Variants in CCDC88A observed in about 807,000 individuals in gnomAD.
CCDC88A encodes the protein coiled-coil and HOOK domain protein 88A, also known as girdin.
In CCDC88A, 54 loss-of-function variants were observed where a neutral mutation model predicts 234.3. The ratio of observed to expected loss-of-function variants is 0.23; its 90% confidence interval spans 0.19 to 0.29. The LOEUF (loss-of-function observed/expected upper bound fraction) is 0.29. CCDC88A is among the 10% of genes least tolerant of loss of function. The pLI is 1.00. For missense variants in CCDC88A, 1,832 were observed against 2,123.4 expected (o/e 0.86, Z 2.70); for synonymous variants, 753 against 737.8 (o/e 1.02, Z -0.33).
chr2:55,414,523 T>TC (rs1183538958), intron 2 of CCDC88A, among the ~76,000 whole-genome samples: 1 of 152,248 alleles, frequency 6.6e-6, no homozygotes, highest in Non-Finnish European at 1.5e-5. Flanking sequence ...ATTGAAGTCA[T>TC]GTTACAAGTT....
chr2:55,375,469 CTATATA>C (rs869279076), intron 3 of CCDC88A, among the ~76,000 whole-genome samples: 68 of 26,588 alleles, frequency 2.6e-3, no homozygotes, highest in South Asian at 7.3e-3. Context: ...TGTCACTGTA[CTATATA>C]TATATATATA....
chr2:55,307,976 C>CTTTT (rs35845333), intron 25 of CCDC88A: 3 of 98,274 alleles, frequency 3.1e-5, no homozygotes, highest in Non-Finnish European at 4.2e-5. Flanking sequence ...TTCTTTCTTT[C>CTTTT]TTTTTTTTTT....
chr2:55,331,049 A>G (rs894744399), intron 16 of CCDC88A, among the ~76,000 whole-genome samples: 1 of 152,232 alleles, frequency 6.6e-6, no homozygotes, highest in Non-Finnish European at 1.5e-5. Flanking sequence ...AGGTTTGGGA[A>G]GAGGAGGCAA....
At chr2:55,396,268 C>T (rs1352363908) in intron 2 of CCDC88A, among the ~76,000 whole-genome samples, 1 of 152,198 alleles carries the variant, frequency 6.6e-6, no homozygotes, top group East Asian at 1.9e-4. Context: ...GGTATATTTA[C>T]AGTTACATAA....
chr2:55,301,558 T>C (rs187097786), intron 27 of CCDC88A: 72 of 511,904 alleles, frequency 1.4e-4, no homozygotes, highest in African/African-American at 1.3e-3. Context: ...GGTAGTTCTG[T>C]TGGAAGTTGT....
In CCDC88A at chr2:55,336,700, C is replaced by G; in HGVS notation, c.1637G>C (p.Arg546Thr). 1 of 1,578,588 alleles carries G rather than the reference C, an allele frequency of 6.3e-7. No homozygotes were observed. Among genetic ancestry groups the G allele is most frequent in the Non-Finnish European group, 8.6e-7 (1 of 1,165,260 alleles). The change falls in exon 14 of 33, where the codon AGA (arginine) becomes ACA (threonine). Residue 546 changes from arginine to threonine, a missense_variant. Arg to Thr is a moderately conservative substitution (Grantham distance 71, BLOSUM62 -1). Transcript: ENST00000436346. ...AQLEKTIETLRENSERQIKIL... is the reference protein window; with the variant it reads ...AQLEKTIETLTENSERQIKIL... ...ATGAACCTGTCTCTCTGAATTTTCT[C>G]TCAGTGTTTCTATTGTTTTTTCAAG...
At chr2:55,366,861 T>A (rs1225022421) in intron 5 of CCDC88A, among the ~76,000 whole-genome samples, 1 of 152,206 alleles carries the variant, frequency 6.6e-6, no homozygotes, top group African/African-American at 2.4e-5. Flanking sequence ...CACATTATAG[T>A]GTTTTAAATA....
chr2:55,300,252 C>A, intron 28 of CCDC88A: 4 of 276,102 alleles, frequency 1.4e-5, no homozygotes, highest in South Asian at 8.3e-5. Context: ...GGGTCACCTA[C>A]AACAGATCAG....
intron 25 of CCDC88A, among the ~76,000 whole-genome samples, chr2:55,303,479 G>A (rs1240991873): frequency 1.4e-5 from 2 of 146,920 alleles, no homozygotes; most frequent in Non-Finnish European, 3.0e-5. Context: ...TGCAACCTCC[G>A]CCTGCGATTC....
chr2:55,301,147 TCCTAG>T lies in CCDC88A; in HGVS notation c.4744+54_4744+58del, dbSNP rs1165632538. The T allele has an allele frequency of 2.1e-5, 21 of 1,000,480 alleles. No individual in the cohort carries two copies. The African/African-American group carries it at 2.9e-4, about 14-fold the overall frequency. 62.0% of individuals were successfully genotyped at this position (1,000,480 alleles called of 1,614,324 possible). On this transcript the variant is annotated intron_variant, in intron 28 of 32. Transcript: ENST00000436346. ...CGCATTCACCTATTAAAGGCAAGAGTCCTAGCATTCCCATTCTGTATTTAATGTGT... is the reference window on the plus strand; with the variant it reads ...CGCATTCACCTATTAAAGGCAAGAGTCATTCCCATTCTGTATTTAATGTGT...
intron 10 of CCDC88A, among the ~76,000 whole-genome samples, chr2:55,344,749 G>T (rs767436115): frequency 6.6e-6 from 1 of 151,982 alleles, no homozygotes; most frequent in Non-Finnish European, 1.5e-5. Flanking sequence ...TTAAATTGTC[G>T]GGGTATATTT....
In CCDC88A at chr2:55,323,664, T is replaced by C. The variant is rs1055840756; in HGVS notation, c.2998-972A>G. 2.0e-5 allele frequency: 3 copies of C among 152,172 alleles called. No individual in the cohort carries two copies. The East Asian group carries it at 5.8e-4, about 29-fold the overall frequency. 9.4% of individuals were successfully genotyped at this position (152,172 alleles called of 1,614,324 possible). ...TCTAGGCTTAGAAAGGCTATAAATA[T>C]ATGCAGTTATTAAGAAAGGGGAGCT... is the stretch of plus-strand genomic sequence containing the variant. On this transcript the variant is annotated intron_variant, in intron 17 of 32. Transcript: ENST00000436346.
chr2:55,346,615 T>TC (rs1353202521), intron 9 of CCDC88A, among the ~76,000 whole-genome samples: 1 of 152,144 alleles, frequency 6.6e-6, no homozygotes, highest in African/African-American at 2.4e-5. Context: ...AGATGGAGTT[T>TC]CGTCATGTTG....
chr2:55,353,167 T>C (rs1044203434), intron 8 of CCDC88A, among the ~76,000 whole-genome samples: 1 of 152,186 alleles, frequency 6.6e-6, no homozygotes, highest in African/African-American at 2.4e-5. Flanking sequence ...CTCAAGTTGT[T>C]TGGAATTTTA....
At position 55,289,952 on chromosome 2, in the gene CCDC88A, T is replaced by C. The variant is rs531792149; in HGVS notation, c.*1248A>G. 5 of 152,684 alleles carry C rather than the reference T, an allele frequency of 3.3e-5. No homozygotes were observed. Among genetic ancestry groups the C allele is most frequent in the African/African-American group, 1.2e-4 (5 of 41,572 alleles). The allele number at this position is 152,684 out of a possible 1,614,324, so 9.5% of individuals were successfully genotyped here. On this transcript the variant is annotated 3_prime_UTR_variant, in exon 33 of 33. Coordinates refer to ENST00000436346, the MANE Select transcript of CCDC88A (RefSeq NM_001365480.1). ...TAAAATTTTAAAAAGTCAGTATGTT[T>C]CTCATTTCAGACCTTGAAGATTACT...
At chr2:55,415,383 T>C (rs926188675) in intron 2 of CCDC88A, among the ~76,000 whole-genome samples, 5 of 152,058 alleles carry the variant, frequency 3.3e-5, no homozygotes, top group African/African-American at 1.2e-4. Context: ...CTGAAACAAC[T>C]GGGGGGAAAA....
At chr2:55,339,881 G>A in intron 12 of CCDC88A, 1 of 359,438 alleles carries the variant, frequency 2.8e-6, no homozygotes, top group Non-Finnish European at 4.9e-6. Flanking sequence ...ACCCAGGCTG[G>A]AGTGCAGTGA....
chr2:55,377,504 T>C (rs1363390852), intron 3 of CCDC88A, among the ~76,000 whole-genome samples: 5 of 151,920 alleles, frequency 3.3e-5, no homozygotes, highest in Admixed American at 3.3e-4. Context: ...TTTTCTTAAA[T>C]CACTGTTTTG....
intron 2 of CCDC88A, among the ~76,000 whole-genome samples, chr2:55,393,259 G>C (rs944919626): frequency 3.4e-4 from 49 of 142,806 alleles, no homozygotes; most frequent in Admixed American, 3.0e-3. Context: ...TGTGTAACAG[G>C]AATATAGAGT....
Sources: allele counts gnomAD v4.1 joint callset (sites outside exome capture counted in the v4.1 genomes callset), GRCh38; gene constraint gnomAD v4.1.1; transcripts MANE v1.5; gene names NCBI Gene and HGNC (gene_info 2026-07-23, HGNC 2026-07-21).